The following DGKD variants were observed in gnomAD, a reference collection of about 807,000 sequenced individuals.
DGKD encodes the protein DAG kinase delta.
In DGKD, 68 loss-of-function variants were observed where a neutral mutation model predicts 154.4. The ratio of observed to expected loss-of-function variants is 0.44; its 90% CI spans 0.36 to 0.54. DGKD has a LOEUF of 0.54. DGKD is among the 20% of genes least tolerant of loss of function. The pLI is 0.00. For missense variants in DGKD, 1,343 were observed against 1,593.6 expected, an observed-to-expected ratio of 0.84 and a Z score of 2.68; for synonymous variants, 693 against 638.0, an observed-to-expected ratio of 1.09 and a Z score of -1.30.
At position 233,354,579 on chromosome 2, in the gene DGKD, C is replaced by A; in HGVS notation, c.61C>A (p.Pro21Thr). The A allele has an allele frequency of 9.1e-7, 1 of 1,096,960 alleles. No individual in the cohort carries two copies. Among genetic ancestry groups the A allele is most frequent in the Non-Finnish European group, 1.1e-6 (1 of 888,222 alleles). The allele number at this position is 1,096,960 out of a possible 1,614,324, so 68.0% of individuals were successfully genotyped here. ...CCCGCAACCGCCTCCGCCGCCGCCGCCCGAGGAGTCGTCCGACAGCGAGCC... is the reference window on the plus strand; with the variant it reads ...CCCGCAACCGCCTCCGCCGCCGCCGACCGAGGAGTCGTCCGACAGCGAGCC... ...GPPQPPPPPP[P>T]EESSDSEPEA... is the part of the protein sequence containing the mutation. The change falls in exon 1 of 30, where the codon CCC (proline) becomes ACC (threonine). Residue 21 changes from proline to threonine, a missense_variant. Physicochemically the swap from Pro to Thr is conservative, Grantham distance 38. This residue lies in a region of DGKD where 57 missense variants were observed against 27.8 expected (regional missense o/e 2.05). Transcript: ENST00000264057. This position sits in a 1 kb window ranked among gnomAD's most constrained non-coding sequence, Gnocchi z 4.8.
intron 3 of DGKD, among the ~76,000 whole-genome samples, chr2:233,397,715 A>G (rs559343257): frequency 6.6e-6 from 1 of 152,024 alleles, no homozygotes; most frequent in African/African-American, 2.4e-5. Context: ...AGAAAGTTCT[A>G]CTCTGGCTGT....
intron 2 of DGKD, among the ~76,000 whole-genome samples, 161 bp from the exon 3 acceptor site, chr2:233,390,242 T>C (rs543524502): frequency 2.0e-5 from 3 of 152,302 alleles, no homozygotes; most frequent in African/African-American, 4.8e-5. Context: ...GTGGGTGGGT[T>C]AATTTGGATT....
Position 233,436,357 on chromosome 2 carries a change from G to T in DGKD, c.735G>T (p.Val245=). 1 of 1,614,210 alleles carries T rather than the reference G, an allele frequency of 6.2e-7. No individual in the cohort carries two copies. Among genetic ancestry groups the T allele is most frequent in the South Asian group, 1.1e-5 (1 of 91,066 alleles). ...PHQWLEGNLP[V]SAKCTVCDKT... is the part of the protein sequence containing the mutation. ...AGTGGTTGGAAGGAAACCTACCTGT[G>T]AGCGCCAAGTGCACTGTGTGCGACA... The change falls in exon 7 of 30, where the codon GTG becomes GTT. Residue 245 remains valine (V), a synonymous_variant. Transcript: ENST00000264057.
intron 1 of DGKD, among the ~76,000 whole-genome samples, chr2:233,355,387 G>C (rs935025383): frequency 2.6e-5 from 4 of 152,186 alleles, no homozygotes; most frequent in Admixed American, 6.5e-5. Flanking sequence ...GCTTCCTATT[G>C]AAAACAGCTT....
intron 1 of DGKD, among the ~76,000 whole-genome samples, chr2:233,356,089 G>C (rs1255745369): frequency 6.6e-6 from 1 of 152,188 alleles, no homozygotes; most frequent in East Asian, 1.9e-4. Context: ...CGGAAACTCG[G>C]GGCAGAGACC....
chr2:233,466,967 C>A lies in DGKD; in HGVS notation c.3307-119C>A, dbSNP rs116834471. 1.5e-4 allele frequency: 113 copies of A among 764,830 alleles called. 1 individual carries two copies. In the African/African-American group the frequency reaches 1.9e-3, roughly 13 times the overall value. The allele number at this position is 764,830 out of a possible 1,614,324, so 47.4% of individuals were successfully genotyped here. On this transcript the variant is annotated intron_variant, in intron 27 of 29. Transcript: ENST00000264057. Reference sequence around the variant, plus strand: ...AGAAGCCCTTTCAGGCACAAGAGGTCTTTCCCAGCTCCCGCTCATCTCAGC... The same window carrying A: ...AGAAGCCCTTTCAGGCACAAGAGGTATTTCCCAGCTCCCGCTCATCTCAGC...
chr2:233,417,737 C>T (rs1432438126), intron 3 of DGKD, among the ~76,000 whole-genome samples: 1 of 152,058 alleles, frequency 6.6e-6, no homozygotes, highest in Non-Finnish European at 1.5e-5. Flanking sequence ...TTATATAGAC[C>T]TGCGATTCTC....
chr2:233,470,913 C>T lies in DGKD; in HGVS notation c.*1453C>T, dbSNP rs1237584252. 1 of 152,418 alleles carries T rather than the reference C, an allele frequency of 6.6e-6. No homozygotes were observed. Among genetic ancestry groups the T allele is most frequent in the East Asian group, 1.9e-4 (1 of 5,312 alleles). 9.4% of individuals were successfully genotyped at this position (152,418 alleles called of 1,614,324 possible). The stretch of plus-strand genomic sequence containing the variant: ...AGTATCTGCCGGCGCTGTCCAGGTC[C>T]TTTAGTCAGCGTCACTCCATCTGAT... On this transcript the variant is annotated 3_prime_UTR_variant, in exon 30 of 30. Transcript: ENST00000264057.
At chr2:233,378,901 C>T (rs751296130) in intron 1 of DGKD, among the ~76,000 whole-genome samples, 1 of 152,258 alleles carries the variant, frequency 6.6e-6, no homozygotes, top group East Asian at 1.9e-4. Flanking sequence ...ACAAAACAAG[C>T]GCACCTGTAG....
At chr2:233,370,260 G>A (rs1175949470) in intron 1 of DGKD, among the ~76,000 whole-genome samples, 2 of 151,934 alleles carry the variant, frequency 1.3e-5, no homozygotes, top group Non-Finnish European at 2.9e-5. Flanking sequence ...TTCTCTCAGG[G>A]TGGAGTGCAG....
chr2:233,386,548 G>A (rs1703188787), intron 1 of DGKD, among the ~76,000 whole-genome samples: 1 of 150,260 alleles, frequency 6.7e-6, no homozygotes, highest in East Asian at 2.0e-4. Flanking sequence ...GCTGTCTCTA[G>A]GGGAGGGGGT....
At chr2:233,435,381 A>T (rs1179709410) in intron 5 of DGKD, among the ~76,000 whole-genome samples, 1 of 152,228 alleles carries the variant, frequency 6.6e-6, no homozygotes, top group East Asian at 1.9e-4. Flanking sequence ...CTGTTTTTGT[A>T]CAGCTCCCAC....
At chr2:233,437,541 T>G (rs950562154) in intron 8 of DGKD, 62 bp downstream of exon 8, 3 of 1,492,844 alleles carry the variant, frequency 2.0e-6, no homozygotes, top group Non-Finnish European at 2.8e-6. Context: ...TCCACGCACT[T>G]TCTCTTCTCC....
rs888228193 is a variant in DGKD, at chr2:233,440,999, C to G, written c.1086-888C>G. ...GGTTGGTGGTCGAGCTACCATTCTC[C>G]GAGTAGGGATGTGTCCTGTTGGATG... On this transcript the variant is annotated intron_variant, in intron 9 of 29. Coordinates refer to ENST00000264057, the MANE Select transcript of DGKD (RefSeq NM_152879.3). The surrounding 1 kb of genome is among the most constrained non-coding windows in gnomAD (Gnocchi z 4.9). 6.6e-6 allele frequency among the ~76,000 whole-genome samples: 1 copy of G among 152,118 alleles called. No individual in the cohort carries two copies. The highest frequency in any genetic ancestry group is 1.5e-5 in the Non-Finnish European group (1 of 68,034).
chr2:233,468,344 G>A, intron 28 of DGKD, 79 bp from the exon 29 acceptor site: 1 of 1,564,752 alleles, frequency 6.4e-7, no homozygotes, highest in Non-Finnish European at 8.7e-7. Context: ...TGGGCTCTCG[G>A]GTGCTGGGTG....
intron 16 of DGKD, 75 bp downstream of exon 16, chr2:233,450,206 GA>G (rs2063228828): frequency 1.4e-6 from 2 of 1,476,234 alleles, no homozygotes; most frequent in Non-Finnish European, 1.8e-6. Context: ...CTTGCCAGGG[GA>G]GGTTTTAGGG....
At chr2:233,399,134 C>G (rs973330547) in intron 3 of DGKD, among the ~76,000 whole-genome samples, 3 of 152,176 alleles carry the variant, frequency 2.0e-5, no homozygotes, top group Non-Finnish European at 4.4e-5. Context: ...AAGCAGTGGG[C>G]TTTATTCTCA....
intron 3 of DGKD, among the ~76,000 whole-genome samples, chr2:233,432,387 T>C (rs1179533888): frequency 2.8e-5 from 4 of 141,146 alleles, no homozygotes; most frequent in Non-Finnish European, 1.5e-5. Flanking sequence ...TAGCCGGGCG[T>C]GGTTGCTCAC....
chr2:233,455,132 CT>C (rs1295465469), intron 19 of DGKD, among the ~76,000 whole-genome samples: 1 of 152,224 alleles, frequency 6.6e-6, no homozygotes, highest in African/African-American at 2.4e-5. Context: ...GGCGGCATCT[CT>C]TAATGAGAGC....
Sources: gnomAD v4.1 joint callset for allele counts (sites outside exome capture counted in the v4.1 genomes callset) on GRCh38, gnomAD v4.1.1 for gene constraint, gnomAD v4.1.1 regional missense constraint, Gnocchi (gnomAD v3.1) non-coding constraint, MANE v1.5 for transcripts, NCBI Gene and HGNC (gene_info 2026-07-23, HGNC 2026-07-21) for gene names.